SETD1B: variants seen among roughly 807,000 people sequenced by gnomAD.
The protein encoded by SETD1B is SET domain containing 1B, histone lysine methyltransferase.
Under a neutral mutation model 148.0 loss-of-function variants are expected in SETD1B, and 7 were observed. The observed-to-expected ratio is 0.05, with a 90% CI of 0.03 to 0.09. The LOEUF is 0.09. SETD1B is among the 10% of genes least tolerant of loss of function. SETD1B has a pLI of 1.00. For missense variants in SETD1B, 2,155 were observed against 2,729.9 expected (o/e 0.79, Z 4.69); for synonymous variants, 1,361 against 1,186.5 (o/e 1.15, Z -3.02).
chr12:121,791,825 G>A, the SETD1B span, among the ~76,000 whole-genome samples: 1 of 152,248 alleles, frequency 6.6e-6, no homozygotes, highest in Non-Finnish European at 1.5e-5. Context: ...GTGGGTTGCT[G>A]TGAATGTCTC....
At chr12:121,824,578 C>T (rs1264693741) in intron 12 of SETD1B, among the ~76,000 whole-genome samples, 1 of 151,952 alleles carries the variant, frequency 6.6e-6, no homozygotes, top group Non-Finnish European at 1.5e-5. Context: ...ACCCGGGAGG[C>T]ACAGGTTGTA....
At chr12:121,791,492 C>A in the SETD1B span, among the ~76,000 whole-genome samples, 1 of 152,200 alleles carries the variant, frequency 6.6e-6, no homozygotes, top group Non-Finnish European at 1.5e-5. Flanking sequence ...ATGGCAGGAA[C>A]AGGATGGGAC....
rs1313853555 is a variant in SETD1B, at chr12:121,808,757, A to C, written c.657+437A>C. On this transcript the variant is annotated intron_variant, in intron 5 of 16. Coordinates refer to ENST00000604567, the MANE Select transcript of SETD1B (RefSeq NM_001353345.2). The surrounding 1 kb of genome is among the most constrained non-coding windows in gnomAD (Gnocchi z 5.3). Reference sequence around the variant, plus strand: ...TTCCAGAGCAAGGCTGACTCCTTCCAAACCACTGCCTTCCAGGACACAGGG... The same window carrying C: ...TTCCAGAGCAAGGCTGACTCCTTCCCAACCACTGCCTTCCAGGACACAGGG... Among the ~76,000 whole-genome samples the C allele has an allele frequency of 1.3e-5, 2 of 152,210 alleles. No individual in the cohort carries two copies. Among genetic ancestry groups the C allele is most frequent in the African/African-American group, 4.8e-5 (2 of 41,462 alleles).
intron 11 of SETD1B, 29 bp downstream of exon 11, chr12:121,819,924 G>T (rs1355585834): frequency 6.5e-7 from 1 of 1,529,480 alleles, no homozygotes; most frequent in Non-Finnish European, 8.8e-7. Context: ...TGGGAGGGTG[G>T]TGGGAGGGAG....
intron 6 of SETD1B, 38 bp from the exon 7 acceptor site, chr12:121,814,068 C>G (rs924545013): frequency 6.6e-7 from 1 of 1,514,114 alleles, no homozygotes; most frequent in Non-Finnish European, 8.9e-7. Context: ...CTTGGCCTTC[C>G]AGACTCACCT....
In SETD1B at chr12:121,809,943, C is replaced by G. The variant is rs1254852712; in HGVS notation, c.998C>G (p.Ser333Cys). ...CACGAACATCATTATGTACACAATT[C>G]TCCCGCGGTCACTGCGGTGGCCGGG... ...RRHEHHYVHN[S>C]PAVTAVAGAT... Residue 333 changes from serine (S) to cysteine (C), a missense_variant, in exon 6 of 17, where the codon TCT (serine) becomes TGT (cysteine). Around this residue, in one of 11 missense-constraint regions of SETD1B, gnomAD observed 376 missense variants for 385.0 expected, o/e 0.98. Coordinates refer to ENST00000604567, the MANE Select transcript of SETD1B (RefSeq NM_001353345.2). 2.6e-6 allele frequency: 4 copies of G among 1,551,232 alleles called. No individual in the cohort carries two copies. Among genetic ancestry groups the G allele is most frequent in the Middle Eastern group, 3.3e-4 (2 of 5,992 alleles).
chr12:121,799,403 CT>C (rs1875182171), upstream of SETD1B: 1 of 152,196 alleles, frequency 6.6e-6, no homozygotes. Context: ...GGTCTCTGTT[CT>C]TTGCCTCTCT....
the SETD1B span, among the ~76,000 whole-genome samples, chr12:121,794,786 C>A: frequency 6.6e-6 from 1 of 152,138 alleles, no homozygotes; most frequent in South Asian, 2.1e-4. Context: ...AGGGACCCCC[C>A]CCTGGAGCCG....
intron 11 of SETD1B, among the ~76,000 whole-genome samples, chr12:121,820,680 C>T (rs1876525838): frequency 6.6e-6 from 1 of 152,162 alleles, no homozygotes; most frequent in Admixed American, 6.5e-5. Flanking sequence ...ACTACAGGCA[C>T]TCGCCACCAC....
chr12:121,798,016 C>T, the SETD1B span: 2 of 188,626 alleles, frequency 1.1e-5, no homozygotes, highest in Non-Finnish European at 2.2e-5. Flanking sequence ...CCAACAGCAC[C>T]ACGCCAGTTA....
rs772970687 is a variant in SETD1B at position 121,808,300 on chromosome 12, A to G, written c.637A>G (p.Ile213Val). The G allele has an allele frequency of 8.5e-5, 131 of 1,545,844 alleles. No individual in the cohort carries two copies. Among genetic ancestry groups the G allele is most frequent in the African/African-American group, 6.2e-4 (45 of 72,288 alleles). ...PVGELDAVSP[I>V]VNETLQLSDA... ...GGGCGAGCTGGACGCTGTCTCTCCA[A>G]TCGTGAATGAGACCCTGCAGGTGGG... Residue 213 changes from isoleucine (I) to valine (V), a missense_variant, in exon 5 of 17, where the codon ATC (isoleucine) becomes GTC (valine). Coordinates refer to ENST00000604567, the MANE Select transcript of SETD1B (RefSeq NM_001353345.2). This position sits in a 1 kb window ranked among gnomAD's most constrained non-coding sequence, Gnocchi z 5.3.
the SETD1B span, among the ~76,000 whole-genome samples, chr12:121,791,960 G>C: frequency 6.6e-6 from 1 of 152,216 alleles, no homozygotes; most frequent in East Asian, 1.9e-4. Context: ...CCACGCCCCG[G>C]GAATTCCTCT....
chr12:121,824,338 C>CA (rs1876734562), intron 12 of SETD1B, among the ~76,000 whole-genome samples: 1 of 152,164 alleles, frequency 6.6e-6, no homozygotes, highest in South Asian at 2.1e-4. Context: ...TGTGAGCACT[C>CA]AGTTTGTGTC....
the SETD1B span, chr12:121,793,320 T>C: frequency 6.9e-7 from 1 of 1,457,396 alleles, no homozygotes; most frequent in East Asian, 2.5e-5. Context: ...TCCACCCCCC[T>C]CACTCGTCCC....
At chr12:121,821,514 C>T (rs995568472) in intron 11 of SETD1B, among the ~76,000 whole-genome samples, 4 of 151,426 alleles carry the variant, frequency 2.6e-5, no homozygotes, top group Non-Finnish European at 2.9e-5. Context: ...CTGTGGGAAG[C>T]CGAGGTAGGC....
At chr12:121,822,102 G>A (rs1432609424) in intron 11 of SETD1B, among the ~76,000 whole-genome samples, 1 of 152,168 alleles carries the variant, frequency 6.6e-6, no homozygotes, top group African/African-American at 2.4e-5. Flanking sequence ...ATTAAGAAGT[G>A]TATCCTGTGA....
chr12:121,820,240 T>C (rs1876504335), intron 11 of SETD1B, among the ~76,000 whole-genome samples: 5 of 152,168 alleles, frequency 3.3e-5, no homozygotes, highest in Admixed American at 3.3e-4. Context: ...GTCGGTGGGG[T>C]AGGCCCTGGG....
Position 121,809,874 on chromosome 12 carries a change from C to A in SETD1B, c.929C>A (p.Ala310Asp), listed in dbSNP as rs1875931435. Residue 310 changes from alanine to aspartate, a missense_variant, in exon 6 of 17, where the codon GCC becomes GAC. Around this residue, in one of 11 missense-constraint regions of SETD1B, gnomAD observed 376 missense variants for 385.0 expected, o/e 0.98. Coordinates refer to ENST00000604567, the MANE Select transcript of SETD1B (RefSeq NM_001353345.2). Reference sequence around the variant, plus strand: ...CAGGACCCTGCAGTGACCTTCAAGGCCCGGCGCCACGAGAGCAAGTTCACG... The same window carrying A: ...CAGGACCCTGCAGTGACCTTCAAGGACCGGCGCCACGAGAGCAAGTTCACG... Reference protein sequence around the residue: ...FSQDPAVTFKARRHESKFTDA... With the variant: ...FSQDPAVTFKDRRHESKFTDA... 6.4e-7 allele frequency: 1 copy of A among 1,551,112 alleles called. No homozygotes were observed. The highest frequency in any genetic ancestry group is 8.7e-7 in the Non-Finnish European group (1 of 1,146,992).
At position 121,810,550 on chromosome 12, in the gene SETD1B, C is replaced by T. The variant is rs972062849; in HGVS notation, c.1605C>T (p.Ser535=). 8.1e-5 allele frequency: 125 copies of T among 1,546,970 alleles called. No individual in the cohort carries two copies. Among genetic ancestry groups the T allele is most frequent in the Non-Finnish European group, 9.0e-5 (103 of 1,147,028 alleles). ...ELQMEGSPIS[S]SSSQLSPLAP... is the part of the protein sequence containing the mutation. The stretch of plus-strand genomic sequence containing the variant: ...AGATGGAGGGCAGCCCCATCTCCTC[C>T]TCCTCCTCCCAGCTCTCCCCACTGG... The change falls in exon 6 of 17, where the codon TCC becomes TCT. Residue 535 remains serine, a synonymous_variant. Transcript: ENST00000604567. This position sits in a 1 kb window ranked among gnomAD's most constrained non-coding sequence, Gnocchi z 7.6.
Sources: allele counts gnomAD v4.1 joint callset (sites outside exome capture counted in the v4.1 genomes callset), GRCh38; gene constraint gnomAD v4.1.1; regional missense constraint gnomAD v4.1.1; non-coding constraint Gnocchi (gnomAD v3.1); transcripts MANE v1.5; gene names NCBI Gene and HGNC (gene_info 2026-07-23, HGNC 2026-07-21).